Variants in ANAPC1 observed in about 807,000 individuals in gnomAD.
The protein encoded by ANAPC1 is anaphase promoting complex subunit 1.
Under a neutral mutation model 208.0 loss-of-function variants are expected in ANAPC1, and 36 were observed. The observed-to-expected ratio is 0.17, with a 90% CI of 0.13 to 0.23. The LOEUF (loss-of-function observed/expected upper bound fraction) is 0.23. ANAPC1 is among the 10% of genes least tolerant of loss of function. The probability of loss-of-function intolerance (pLI) is 1.00; values close to 1 mark genes in which losing one functional copy is unlikely to be tolerated. For synonymous variants in ANAPC1, 378 were observed against 695.2 expected, an observed-to-expected ratio of 0.54 and a Z score of 7.18; for missense variants, 942 against 2,011.6, an observed-to-expected ratio of 0.47 and a Z score of 10.17.
chr2:111,831,217 T>C, intron 21 of ANAPC1, 69 bp downstream of exon 21: 1 of 1,520,274 alleles, frequency 6.6e-7, no homozygotes, highest in Non-Finnish European at 8.8e-7. Context: ...AAACTTAATA[T>C]CAGGTGTACT....
At chr2:111,788,752 A>C (rs1677704521) in intron 38 of ANAPC1, among the ~76,000 whole-genome samples, 2 of 150,896 alleles carry the variant, frequency 1.3e-5, no homozygotes, top group South Asian at 4.1e-4. Flanking sequence ...AGAATGTTGT[A>C]ATTGGTATTT....
chr2:111,874,902 A>G (rs1191670882), intron 3 of ANAPC1, among the ~76,000 whole-genome samples: 1 of 152,174 alleles, frequency 6.6e-6, no homozygotes, highest in Non-Finnish European at 1.5e-5. Context: ...GCAGCAGCCT[A>G]GAACTCCTGG....
At chr2:111,836,937 C>T (rs1680500689) in intron 18 of ANAPC1, among the ~76,000 whole-genome samples, 1 of 146,826 alleles carries the variant, frequency 6.8e-6, no homozygotes, top group South Asian at 2.1e-4. Flanking sequence ...CACTGCACTC[C>T]AGCCTGGATG....
At chr2:111,808,700 G>T (rs1179996258) in intron 29 of ANAPC1, among the ~76,000 whole-genome samples, 3 of 151,626 alleles carry the variant, frequency 2.0e-5, no homozygotes, top group Admixed American at 6.6e-5. Flanking sequence ...CTCATTAAAT[G>T]TGACCACTGG....
chr2:111,832,288 G>C (rs1680183878), intron 20 of ANAPC1, among the ~76,000 whole-genome samples: 1 of 141,758 alleles, frequency 7.1e-6, no homozygotes, highest in South Asian at 2.4e-4. Flanking sequence ...GGGCGACAGA[G>C]TGAGACCCTG....
At chr2:111,842,803 G>T (rs1275184783) in intron 17 of ANAPC1, among the ~76,000 whole-genome samples, 1 of 151,958 alleles carries the variant, frequency 6.6e-6, no homozygotes, top group Non-Finnish European at 1.5e-5. Context: ...GCTAGAAGGA[G>T]ATCACCAATA....
chr2:111,819,271 A>C (rs1296145989), intron 26 of ANAPC1: 1 of 983,422 alleles, frequency 1.0e-6, no homozygotes, highest in African/African-American at 1.8e-5. Flanking sequence ...TTAAAATTCC[A>C]CTCCGATGGA....
chr2:111,817,515 A>G (rs1050988605), intron 27 of ANAPC1, among the ~76,000 whole-genome samples: 8 of 152,182 alleles, frequency 5.3e-5, no homozygotes, highest in Admixed American at 4.6e-4. Flanking sequence ...TTTAAATATT[A>G]AAAGCAACTC....
intron 21 of ANAPC1, among the ~76,000 whole-genome samples, chr2:111,826,776 T>A (rs1679861529): frequency 6.6e-6 from 1 of 151,734 alleles, no homozygotes; most frequent in African/African-American, 2.4e-5. Flanking sequence ...TTCTCCCACC[T>A]TAGCCTCCAG....
Position 111,825,802 on chromosome 2 carries a change from T to C in ANAPC1, c.2679A>G (p.Ser893=). The change falls in exon 22 of 48, where the codon TCA becomes TCG. Residue 893 remains serine (S), a synonymous_variant. Transcript: ENST00000341068. ...CTATAGTTATTCTGGTTAAATACTG[T>C]GAGGATTCATCAGAAACCAAGCTCT... ...GDESLVSDES[S]QYLTRITIAP... The C allele has an allele frequency of 6.2e-7, 1 of 1,613,816 alleles. No homozygotes were observed. Among genetic ancestry groups the C allele is most frequent in the Non-Finnish European group, 8.5e-7 (1 of 1,179,754 alleles).
intron 20 of ANAPC1, among the ~76,000 whole-genome samples, chr2:111,831,911 T>C (rs200456735): frequency 6.7e-6 from 1 of 148,390 alleles, no homozygotes; most frequent in East Asian, 2.0e-4. Context: ...TAAGGAACTA[T>C]GTTATTAAAT....
chr2:111,848,781 A>C lies in ANAPC1; in HGVS notation c.1651-916T>G, dbSNP rs555130857. On this transcript the variant is annotated intron_variant, in intron 14 of 47. Coordinates refer to ENST00000341068, the MANE Select transcript of ANAPC1 (RefSeq NM_022662.4). ...GACAGGGCAAGACTCCATCTCAAAAAAAAAAAAAAGACTAAACTGTGATTT... is the reference window on the plus strand; with the variant it reads ...GACAGGGCAAGACTCCATCTCAAAACAAAAAAAAAGACTAAACTGTGATTT... Among the ~76,000 whole-genome samples the C allele has an allele frequency of 4.9e-3, 753 of 152,226 alleles. 3 individuals carry two copies. Among genetic ancestry groups the C allele is most frequent in the Non-Finnish European group, 8.1e-3 (554 of 68,004 alleles).
chr2:111,828,150 C>T (rs116017965), intron 21 of ANAPC1, among the ~76,000 whole-genome samples: 7 of 151,926 alleles, frequency 4.6e-5, no homozygotes, highest in Admixed American at 1.3e-4. Context: ...AAAGAAGATA[C>T]GTAAATGGCC....
intron 34 of ANAPC1, among the ~76,000 whole-genome samples, chr2:111,796,251 T>TA (rs749180175): frequency 9.8e-4 from 146 of 149,692 alleles, no homozygotes; most frequent in Non-Finnish European, 1.7e-3. Context: ...TAAAATAAAA[T>TA]AAATAAATAT....
chr2:111,813,445 T>C lies in ANAPC1; in HGVS notation c.3597+1925A>G, dbSNP rs564170124. Reference sequence around the variant, plus strand: ...TGCCTCCCTCTGGTGGAGACTGATATTAATCCAGATGTTTGGGCAATTCAG... The same window carrying C: ...TGCCTCCCTCTGGTGGAGACTGATACTAATCCAGATGTTTGGGCAATTCAG... On this transcript the variant is annotated intron_variant, in intron 28 of 47. Transcript: ENST00000341068. 4.2e-3 allele frequency among the ~76,000 whole-genome samples: 640 copies of C among 151,910 alleles called. 2 individuals carry two copies. The highest frequency in any genetic ancestry group is 0.014 in the Middle Eastern group (4 of 294).
At chr2:111,843,820 C>CCT (rs770441848) in intron 16 of ANAPC1, among the ~76,000 whole-genome samples, 3 of 86,818 alleles carry the variant, frequency 3.5e-5, no homozygotes, top group African/African-American at 1.4e-4. Flanking sequence ...CTGAAGACAG[C>CCT]TTTTTTTTTT....
intron 3 of ANAPC1, among the ~76,000 whole-genome samples, chr2:111,877,236 A>G (rs1683068312): frequency 9.0e-6 from 1 of 110,712 alleles, no homozygotes; most frequent in Non-Finnish European, 2.1e-5. Flanking sequence ...ATTTTCCCCA[A>G]AAATATCTTT....
In ANAPC1 at chr2:111,768,274, T is replaced by G. The variant is rs1176708456; in HGVS notation, c.*1017A>C. ...AAATCCCTCCTTTTATAGACATACA[T>G]TCTGTAAATCTTAGGTAAATATGGA... On this transcript the variant is annotated 3_prime_UTR_variant, in exon 48 of 48. Coordinates refer to ENST00000341068, the MANE Select transcript of ANAPC1 (RefSeq NM_022662.4). 1.3e-5 allele frequency: 2 copies of G among 152,206 alleles called. No individual in the cohort carries two copies. The highest frequency in any genetic ancestry group is 2.4e-5 in the African/African-American group (1 of 41,446). 9.4% of individuals were successfully genotyped at this position (152,206 alleles called of 1,614,324 possible).
intron 20 of ANAPC1, 91 bp downstream of exon 20, chr2:111,833,129 G>GT: frequency 4.2e-6 from 6 of 1,438,480 alleles, no homozygotes; most frequent in Non-Finnish European, 5.6e-6. Context: ...GAAGCTAATG[G>GT]TAAGAAATAC....
Sources: allele counts gnomAD v4.1 joint callset (sites outside exome capture counted in the v4.1 genomes callset), GRCh38; gene constraint gnomAD v4.1.1; transcripts MANE v1.5; gene names NCBI Gene and HGNC (gene_info 2026-07-23, HGNC 2026-07-21).